DPP10: variants seen among roughly 807,000 people sequenced by gnomAD.
DPP10 encodes inactive dipeptidyl peptidase 10.
A neutral mutation model predicts 120.9 loss-of-function variants in DPP10; 33 were observed. That is an observed-to-expected ratio of 0.27 (90% confidence interval 0.21 to 0.37). The LOEUF is 0.37. Ranked by LOEUF, DPP10 falls within the 10% of genes least tolerant of loss-of-function variation. The pLI is 1.00. For synonymous variants in DPP10, 337 were observed against 326.1 expected (o/e 1.03, Z -0.36); for missense variants, 816 against 942.8 (o/e 0.87, Z 1.76).
In DPP10 at chr2:115,095,489, G is replaced by T. The variant is rs1305259292; in HGVS notation, c.61-213750G>T. ...TCAAGGCCTGATGTAAGTGCATTTA[G>T]CTCTGGGAGACATTAGACACAAGTA... On this transcript the variant is annotated intron_variant, in intron 1 of 25. Coordinates refer to ENST00000410059, the MANE Select transcript of DPP10 (RefSeq NM_020868.6). Among the ~76,000 whole-genome samples the T allele has an allele frequency of 4.6e-5, 7 of 152,078 alleles. No individual in the cohort carries two copies. In the South Asian group the frequency reaches 1.5e-3, roughly 32 times the overall value.
chr2:115,103,706 T>C (rs1437390147), intron 1 of DPP10, among the ~76,000 whole-genome samples: 1 of 152,208 alleles, frequency 6.6e-6, no homozygotes, highest in Non-Finnish European at 1.5e-5. Flanking sequence ...AAATCGTTTT[T>C]CCATGAAGAA....
chr2:115,752,180 T>A (rs1414212793), intron 10 of DPP10, among the ~76,000 whole-genome samples: 2 of 152,300 alleles, frequency 1.3e-5, no homozygotes, highest in East Asian at 3.9e-4. Context: ...TGAGATCAGA[T>A]GAGATTGGGC....
At chr2:115,252,373 A>G (rs561484426) in intron 1 of DPP10, among the ~76,000 whole-genome samples, 3 of 152,148 alleles carry the variant, frequency 2.0e-5, no homozygotes, top group African/African-American at 7.2e-5. Context: ...TACTTAAATT[A>G]TTTGAATAAT....
intron 1 of DPP10, among the ~76,000 whole-genome samples, chr2:114,842,666 T>C (rs1200518451): frequency 1.3e-5 from 2 of 152,292 alleles, no homozygotes; most frequent in East Asian, 3.9e-4. Context: ...CCAGTCTACA[T>C]AGTTGAGAAG....
chr2:115,370,509 T>C (rs965223303), intron 3 of DPP10, among the ~76,000 whole-genome samples: 1 of 152,058 alleles, frequency 6.6e-6, no homozygotes, highest in Non-Finnish European at 1.5e-5. Context: ...ACTGGTACAC[T>C]GGTCTCAATT....
intron 5 of DPP10, among the ~76,000 whole-genome samples, chr2:115,536,787 A>G (rs1286771398): frequency 6.6e-6 from 1 of 152,076 alleles, no homozygotes; most frequent in Non-Finnish European, 1.5e-5. Flanking sequence ...TCTGTGATTC[A>G]TATTCACTCT....
chr2:115,777,399 A>G (rs1682239315), intron 14 of DPP10, 100 bp downstream of exon 14: 7 of 1,024,742 alleles, frequency 6.8e-6, no homozygotes, highest in East Asian at 2.6e-5. Context: ...CCTAGTCAAA[A>G]CAAGCCAGCC....
intron 1 of DPP10, among the ~76,000 whole-genome samples, chr2:115,294,954 T>C (rs1259467019): frequency 1.3e-5 from 2 of 152,044 alleles, no homozygotes; most frequent in African/African-American, 2.4e-5. Flanking sequence ...TTGGTAGGAT[T>C]CTCTGGGAGA....
intron 1 of DPP10, among the ~76,000 whole-genome samples, chr2:114,948,930 GT>G (rs1250432482): frequency 4.6e-4 from 66 of 144,188 alleles, no homozygotes; most frequent in South Asian, 1.3e-3. Flanking sequence ...GAGACACTTT[GT>G]TTTTTTTTTT....
chr2:114,541,601 T>G (rs756752069), intron 1 of DPP10, among the ~76,000 whole-genome samples: 22 of 152,206 alleles, frequency 1.4e-4, no homozygotes, highest in Non-Finnish European at 3.2e-4. Context: ...AAGTTAATCT[T>G]TGTCATTTAT....
At chr2:114,538,033 C>T (rs1279298618) in intron 1 of DPP10, among the ~76,000 whole-genome samples, 1 of 152,348 alleles carries the variant, frequency 6.6e-6, no homozygotes, top group East Asian at 1.9e-4. Flanking sequence ...CCTTGACTAT[C>T]TTAGCCAGGA....
chr2:114,733,812 A>G (rs748791814), intron 1 of DPP10, among the ~76,000 whole-genome samples: 20 of 152,202 alleles, frequency 1.3e-4, no homozygotes, highest in Non-Finnish European at 2.8e-4. Context: ...AGAAAGATCC[A>G]GATGTTTCTA....
chr2:115,456,375 G>C (rs894359375), intron 3 of DPP10, among the ~76,000 whole-genome samples: 3 of 152,158 alleles, frequency 2.0e-5, no homozygotes, highest in African/African-American at 4.8e-5. Flanking sequence ...CTGTAAATTA[G>C]TTAAACCATT....
At position 114,713,933 on chromosome 2, in the gene DPP10, C is replaced by T. The variant is rs531759334; in HGVS notation, c.60+271095C>T. The stretch of plus-strand genomic sequence containing the variant: ...TCAGGAGGCGGAGGTTGCAGTGAGC[C>T]GAGATCGCACCATTGCACTCCAGCC... On this transcript the variant is annotated intron_variant, in intron 1 of 25. Transcript: ENST00000410059. 5.3e-5 allele frequency among the ~76,000 whole-genome samples: 8 copies of T among 149,978 alleles called. No individual in the cohort carries two copies. The South Asian group carries it at 1.5e-3, about 28-fold the overall frequency.
At chr2:114,517,662 T>G (rs1035969507) in intron 1 of DPP10, among the ~76,000 whole-genome samples, 7 of 152,230 alleles carry the variant, frequency 4.6e-5, no homozygotes, top group African/African-American at 1.7e-4. Flanking sequence ...AATACCATCT[T>G]GAAATGAAAA....
chr2:114,590,245 G>T (rs1410921843), intron 1 of DPP10, among the ~76,000 whole-genome samples: 3 of 151,980 alleles, frequency 2.0e-5, no homozygotes, highest in Non-Finnish European at 4.4e-5. Flanking sequence ...TCTTATATCT[G>T]TAGCCAACTG....
chr2:115,836,596 G>A (rs1047641894), intron 23 of DPP10, 31 bp downstream of exon 23: 1 of 1,610,200 alleles, frequency 6.2e-7, no homozygotes, highest in African/African-American at 1.3e-5. Context: ...AAAGAAAGAG[G>A]AGTATTTTTG....
intron 5 of DPP10, among the ~76,000 whole-genome samples, chr2:115,577,138 T>C (rs2081721404): frequency 6.6e-6 from 1 of 152,180 alleles, no homozygotes. Flanking sequence ...TGAGGAGGTT[T>C]CTACTTATGA....
intron 1 of DPP10, among the ~76,000 whole-genome samples, chr2:114,752,374 C>T (rs1370990371): frequency 6.6e-6 from 1 of 152,120 alleles, no homozygotes; most frequent in Non-Finnish European, 1.5e-5. Context: ...CACTGAAATT[C>T]TATAGAAATA....
Sources: gnomAD v4.1 joint callset for allele counts (sites outside exome capture counted in the v4.1 genomes callset) on GRCh38, gnomAD v4.1.1 for gene constraint, MANE v1.5 for transcripts, NCBI Gene and HGNC (gene_info 2026-07-23, HGNC 2026-07-21) for gene names.